Variants in BBS9 observed in about 807,000 individuals in gnomAD.
BBS9 encodes Bardet-Biedl syndrome 9.
Under a neutral mutation model 117.7 loss-of-function variants are expected in BBS9, and 89 were observed. The observed-to-expected ratio is 0.76, with a 90% CI of 0.64 to 0.90. The LOEUF (loss-of-function observed/expected upper bound fraction) is 0.90. Among genes scored for constraint, BBS9 ranks in the 40% least tolerant of loss-of-function variants. BBS9 has a pLI of 0.00. For missense variants in BBS9, 982 were observed against 1,042.2 expected (o/e 0.94, Z 0.80); for synonymous variants, 379 against 370.9 (o/e 1.02, Z -0.25).
chr7:33,135,614 T>G (rs1216242384), intron 1 of BBS9, among the ~76,000 whole-genome samples: 1 of 152,214 alleles, frequency 6.6e-6, no homozygotes, highest in Non-Finnish European at 1.5e-5. Flanking sequence ...AAGTGTGAGT[T>G]CTCTACCTTT....
chr7:33,457,784 A>G lies in BBS9; in HGVS notation c.2116-47679A>G, dbSNP rs966659286. ...TCTGAAAAGAGTGTTAAAGACCTCAATATCTCTATTTAGAGTTTAAAAATA... is the reference window on the plus strand; with the variant it reads ...TCTGAAAAGAGTGTTAAAGACCTCAGTATCTCTATTTAGAGTTTAAAAATA... On this transcript the variant is annotated intron_variant, in intron 19 of 22. Coordinates refer to ENST00000242067, the MANE Select transcript of BBS9 (RefSeq NM_198428.3). 5.3e-5 allele frequency among the ~76,000 whole-genome samples: 8 copies of G among 152,318 alleles called. No homozygotes were observed. The East Asian group carries it at 5.8e-4, about 11-fold the overall frequency.
intron 21 of BBS9, among the ~76,000 whole-genome samples, chr7:33,541,020 C>G (rs533754653): frequency 2.0e-5 from 3 of 152,304 alleles, no homozygotes; most frequent in Non-Finnish European, 4.4e-5. Flanking sequence ...TTCTCATTCT[C>G]TCATTCTCTG....
In BBS9 at chr7:33,436,454, AAGTT is replaced by A. The variant is rs150946434; in HGVS notation, c.2115+48315_2115+48318del. Among the ~76,000 whole-genome samples, 161 of 152,258 alleles carry A rather than the reference AAGTT, an allele frequency of 1.1e-3. 3 individuals carry two copies. In the East Asian group the frequency reaches 0.029, roughly 27 times the overall value. On this transcript the variant is annotated intron_variant, in intron 19 of 22. Transcript: ENST00000242067. ...TAACTTCAGGTGATCATTCCTCAGAAAGTTAGTTTCCTAAGGATTATATAATTGA... is the reference window on the plus strand; with the variant it reads ...TAACTTCAGGTGATCATTCCTCAGAAAGTTTCCTAAGGATTATATAATTGA...
chr7:33,269,726 G>GA (rs889472546), intron 7 of BBS9, among the ~76,000 whole-genome samples: 1,657 of 110,278 alleles, frequency 0.015, 25 homozygotes, highest in African/African-American at 0.037. Flanking sequence ...ACTCCAAATG[G>GA]AAAAAAAAAA....
At chr7:33,634,469 AATG>A (rs1866048262) in intron 21 of BBS9, among the ~76,000 whole-genome samples, 1 of 152,186 alleles carries the variant, frequency 6.6e-6, no homozygotes, top group Non-Finnish European at 1.5e-5. Context: ...GTTTAAATTG[AATG>A]ATAAGTGTAA....
intron 21 of BBS9, among the ~76,000 whole-genome samples, chr7:33,554,538 C>T (rs1854972320): frequency 6.6e-6 from 1 of 152,014 alleles, no homozygotes; most frequent in Non-Finnish European, 1.5e-5. Context: ...GCCTTTAGTA[C>T]CAAGGTGGAC....
At chr7:33,635,251 A>G (rs1300477972) in exon 22 of BBS9, among the ~76,000 whole-genome samples, 1 of 152,166 alleles carries the variant, frequency 6.6e-6, no homozygotes. Context: ...TCTCCAGCTG[A>G]TGGAGGGACC....
Position 33,574,684 on chromosome 7 carries a change from A to AACACACACAC in BBS9, c.2522-30148_2522-30139dup, listed in dbSNP as rs371229936. Among the ~76,000 whole-genome samples, 963 of 137,610 alleles carry AACACACACAC rather than the reference A, an allele frequency of 7.0e-3. 10 individuals carry two copies. Among genetic ancestry groups the AACACACACAC allele is most frequent in the South Asian group, 0.013 (52 of 3,940 alleles). The allele number at this position is 137,610 out of a possible 152,430, so 90.3% of individuals were successfully genotyped here. ...TTCAATTGTACTGGAAGTCATAGAA[A>AACACACACAC]ACACACACACACACACACACACACA... is the stretch of plus-strand genomic sequence containing the variant. On this transcript the variant is annotated intron_variant, in intron 21 of 22. Transcript: ENST00000242067.
chr7:33,295,718 C>G (rs1358659599), intron 9 of BBS9, among the ~76,000 whole-genome samples: 1 of 151,792 alleles, frequency 6.6e-6, no homozygotes, highest in Non-Finnish European at 1.5e-5. Context: ...CTTGATAAAT[C>G]AAGAAAAATT....
chr7:33,173,316 C>T (rs1038799509), intron 4 of BBS9, among the ~76,000 whole-genome samples: 1 of 152,030 alleles, frequency 6.6e-6, no homozygotes, highest in Non-Finnish European at 1.5e-5. Flanking sequence ...TGCAGTGGCT[C>T]ACGTCTGTAA....
intron 5 of BBS9, among the ~76,000 whole-genome samples, chr7:33,195,375 A>G (rs1267791098): frequency 2.0e-5 from 3 of 152,124 alleles, no homozygotes; most frequent in Non-Finnish European, 4.4e-5. Flanking sequence ...TTCCTCTTTA[A>G]CAAACATGTT....
intron 19 of BBS9, among the ~76,000 whole-genome samples, chr7:33,407,852 G>C (rs1035886322): frequency 6.6e-6 from 1 of 152,232 alleles, no homozygotes; most frequent in Non-Finnish European, 1.5e-5. Context: ...CTACTGGGCT[G>C]TGCCTCCCAG....
At chr7:33,396,227 TATTA>T (rs1439332909) in intron 19 of BBS9, among the ~76,000 whole-genome samples, 1 of 152,198 alleles carries the variant, frequency 6.6e-6, no homozygotes, top group Non-Finnish European at 1.5e-5. Flanking sequence ...TCATTTATAT[TATTA>T]ATTATCTTTG....
chr7:33,605,053 A>G (rs1864390361), intron 22 of BBS9, 78 bp downstream of exon 22: 1 of 1,477,252 alleles, frequency 6.8e-7, no homozygotes, highest in African/African-American at 1.4e-5. Flanking sequence ...GTCATACCAG[A>G]GAGCATTCCG....
chr7:33,424,631 A>C (rs565214431), intron 19 of BBS9, among the ~76,000 whole-genome samples: 1 of 152,192 alleles, frequency 6.6e-6, no homozygotes, highest in African/African-American at 2.4e-5. Flanking sequence ...TAAAAAAAGC[A>C]CATGTAATAA....
chr7:33,582,389 G>A (rs1004127756), intron 21 of BBS9, among the ~76,000 whole-genome samples: 4 of 152,024 alleles, frequency 2.6e-5, no homozygotes, highest in Non-Finnish European at 1.5e-5. Flanking sequence ...CTGGGAAGGG[G>A]CTAAGTGAAG....
chr7:33,383,097 G>C (rs10276929), intron 17 of BBS9, among the ~76,000 whole-genome samples: 4,304 of 152,236 alleles, frequency 0.028, 245 homozygotes, highest in East Asian at 0.27. Context: ...TCATCTTGGA[G>C]TAGTGGAGCT....
Position 33,351,277 on chromosome 7 carries a change from A to G in BBS9, c.1491A>G (p.Pro497=), listed in dbSNP as rs1465912556. 1 of 1,613,274 alleles carries G rather than the reference A, an allele frequency of 6.2e-7. No homozygotes were observed. The change falls in exon 14 of 23, where the codon CCA becomes CCG. Residue 497 remains proline (P), a synonymous_variant. Coordinates refer to ENST00000242067, the MANE Select transcript of BBS9 (RefSeq NM_198428.3). The stretch of plus-strand genomic sequence containing the variant: ...TTTATCTGAAAAGAAGTTATACACC[A>G]TCAGAATTGGAAGGAAATGCTGTTG... ...FSVYLKRSYT[P]SELEGNAVVS...
At chr7:33,352,603 T>G (rs1005914121) in intron 14 of BBS9, among the ~76,000 whole-genome samples, 3 of 152,128 alleles carry the variant, frequency 2.0e-5, no homozygotes, top group Non-Finnish European at 4.4e-5. Flanking sequence ...ACATTTACAG[T>G]GGAATAACAC....
Sources: allele counts gnomAD v4.1 joint callset (sites outside exome capture counted in the v4.1 genomes callset), GRCh38; gene constraint gnomAD v4.1.1; transcripts MANE v1.5; gene names NCBI Gene and HGNC (gene_info 2026-07-23, HGNC 2026-07-21).